SASH1: variants seen among roughly 807,000 people sequenced by gnomAD.
SASH1 encodes SAM and SH3 domain containing 1, also known as SAM and SH3 domain-containing protein 1.
Under a neutral mutation model 125.2 loss-of-function variants are expected in SASH1, and 44 were observed. The observed-to-expected ratio is 0.35, with a 90% CI of 0.28 to 0.45. SASH1 has a LOEUF of 0.45. SASH1 is among the 20% of genes least tolerant of loss of function. SASH1 has a pLI of 1.00. For synonymous variants in SASH1, 639 were observed against 649.1 expected (o/e 0.98, Z 0.24); for missense variants, 1,426 against 1,614.5 (o/e 0.88, Z 2.00).
In SASH1 at chr6:148,529,402, T is replaced by G. The variant is rs1372219881; in HGVS notation, c.1428+1806T>G. Among the ~76,000 whole-genome samples the G allele has an allele frequency of 1.3e-5, 2 of 152,220 alleles. No homozygotes were observed. Among genetic ancestry groups the G allele is most frequent in the Non-Finnish European group, 2.9e-5 (2 of 68,040 alleles). On this transcript the variant is annotated intron_variant, in intron 12 of 19. Coordinates refer to ENST00000367467, the MANE Select transcript of SASH1 (RefSeq NM_015278.5). This position sits in a 1 kb window ranked among gnomAD's most constrained non-coding sequence, Gnocchi z 4.2. ...CTTCAGCATGTCTTATCCATGATTT[T>G]TTTTCTTTATTCTTTTCATTCTCTT...
chr6:148,536,830 G>C (rs1781875664), intron 16 of SASH1, among the ~76,000 whole-genome samples: 1 of 152,176 alleles, frequency 6.6e-6, no homozygotes. Context: ...TTGTAGGAGG[G>C]TATCGCTATC....
chr6:148,296,925 G>C (rs1375826581), intron 1 of SASH1, among the ~76,000 whole-genome samples: 3 of 152,248 alleles, frequency 2.0e-5, no homozygotes, highest in African/African-American at 7.2e-5. Flanking sequence ...TTTCATGCTT[G>C]TGAAAGCAAA....
intron 1 of SASH1, among the ~76,000 whole-genome samples, chr6:148,361,100 A>G (rs1430499450): frequency 6.6e-6 from 1 of 152,164 alleles, no homozygotes; most frequent in African/African-American, 2.4e-5. Context: ...CAGGCTAAGG[A>G]ATGCCGAAGA....
chr6:148,511,324 T>TACACACACACACACACAC (rs58822082), intron 8 of SASH1, among the ~76,000 whole-genome samples: 80 of 135,382 alleles, frequency 5.9e-4, no homozygotes, highest in Non-Finnish European at 1.1e-3. Flanking sequence ...AATTTTCTAT[T>TACACACACACACACACAC]ACACACACAC....
At chr6:148,278,682 C>T (rs1482344020) in intron 1 of SASH1, 1 of 152,064 alleles carries the variant, frequency 6.6e-6, no homozygotes, top group Non-Finnish European at 1.5e-5. Flanking sequence ...GGGCTCACTT[C>T]AGCAGCACAT....
At position 148,421,138 on chromosome 6, in the gene SASH1, G is replaced by A. The variant is rs75705173; in HGVS notation, c.286-19046G>A. 4.9e-3 allele frequency among the ~76,000 whole-genome samples: 266 copies of A among 54,082 alleles called. 13 individuals carry two copies. In the East Asian group the frequency reaches 0.081, roughly 17 times the overall value. 35.5% of individuals were successfully genotyped at this position (54,082 alleles called of 152,430 possible). ...AAAAGAAAGGAAGAAAGGAAGGAAG[G>A]AAGGAAGGAAGAAAGAAAGAAAGAA... On this transcript the variant is annotated intron_variant, in intron 2 of 19. Coordinates refer to ENST00000367467, the MANE Select transcript of SASH1 (RefSeq NM_015278.5).
chr6:148,517,405 A>G (rs757403287), intron 9 of SASH1, among the ~76,000 whole-genome samples: 4 of 152,140 alleles, frequency 2.6e-5, no homozygotes, highest in Non-Finnish European at 5.9e-5. Flanking sequence ...AAGATAGATG[A>G]TGGAGGCCTT....
intron 2 of SASH1, among the ~76,000 whole-genome samples, chr6:148,399,665 C>T (rs1784097124): frequency 6.6e-6 from 1 of 152,198 alleles, no homozygotes; most frequent in Admixed American, 6.5e-5. Flanking sequence ...TTGTTGTTTC[C>T]ATTTGCATAC....
chr6:148,304,555 A>C (rs1367745109), intron 1 of SASH1, among the ~76,000 whole-genome samples: 1 of 152,120 alleles, frequency 6.6e-6, no homozygotes, highest in African/African-American at 2.4e-5. Flanking sequence ...GGTTGCAGTG[A>C]GCCGAGACCA....
At chr6:148,196,709 G>C in the SASH1 span, among the ~76,000 whole-genome samples, 5 of 152,198 alleles carry the variant, frequency 3.3e-5, no homozygotes, top group African/African-American at 1.2e-4. Context: ...ATAATTGTGA[G>C]ATAAGACAAA....
Position 148,278,787 on chromosome 6 carries a change from G to C in SASH1, n.74+6410G>C, listed in dbSNP as rs560613046. 134 of 151,942 alleles carry C rather than the reference G, an allele frequency of 8.8e-4. 1 individual carries two copies. The highest frequency in any genetic ancestry group is 3.1e-3 in the African/African-American group (130 of 41,372). 9.4% of individuals were successfully genotyped at this position (151,942 alleles called of 1,614,324 possible). A position where few individuals can be genotyped will look rare whatever the true frequency, so the allele number is the denominator to read the frequency against. The stretch of plus-strand genomic sequence containing the variant: ...AAATGTTTCATGTATTTCTTAAATA[G>C]TTAAAAAAAATCTGCAAGTGCAATA... On this transcript the variant is annotated intron_variant and non_coding_transcript_variant, in intron 1 of 3. Transcript: ENST00000367469.
chr6:148,226,186 C>G, the SASH1 span, among the ~76,000 whole-genome samples: 9 of 152,206 alleles, frequency 5.9e-5, no homozygotes, highest in African/African-American at 1.7e-4. Context: ...TATTAAAGAA[C>G]TTAAAGAAAA....
intron 2 of SASH1, among the ~76,000 whole-genome samples, chr6:148,424,330 A>G (rs1455158977): frequency 6.8e-6 from 1 of 146,630 alleles, no homozygotes; most frequent in Non-Finnish European, 1.5e-5. Context: ...GGTTCAAGTG[A>G]TTCTCCTGCC....
chr6:148,356,030 C>G (rs914587833), intron 1 of SASH1, among the ~76,000 whole-genome samples: 1 of 150,670 alleles, frequency 6.6e-6, no homozygotes, highest in Non-Finnish European at 1.5e-5. Flanking sequence ...TCCTCTTCCA[C>G]GCTTCCCCCC....
chr6:148,267,559 TAGTAG>T (rs1778976970), upstream of SASH1, among the ~76,000 whole-genome samples: 1 of 152,078 alleles, frequency 6.6e-6, no homozygotes, highest in Admixed American at 6.5e-5. Flanking sequence ...TTTGTATTTT[TAGTAG>T]AGACGGGGTT....
At chr6:148,331,654 A>G (rs952694263) in intron 1 of SASH1, among the ~76,000 whole-genome samples, 5 of 151,772 alleles carry the variant, frequency 3.3e-5, no homozygotes, top group African/African-American at 1.2e-4. Context: ...CACAGCATCA[A>G]CACAGATGAA....
upstream of SASH1, among the ~76,000 whole-genome samples, chr6:148,342,326 C>A (rs1436248802): frequency 6.6e-6 from 1 of 152,122 alleles, no homozygotes; most frequent in East Asian, 1.9e-4. Flanking sequence ...TGCATTGTAG[C>A]GACACGGACT....
chr6:148,539,749 G>A (rs1782104699), intron 16 of SASH1, among the ~76,000 whole-genome samples: 1 of 152,092 alleles, frequency 6.6e-6, no homozygotes, highest in East Asian at 1.9e-4. Flanking sequence ...AAGACAAAAG[G>A]AGAAGCAGAA....
chr6:148,472,976 C>G (rs1448830269), intron 6 of SASH1, among the ~76,000 whole-genome samples: 1 of 152,140 alleles, frequency 6.6e-6, no homozygotes, highest in Non-Finnish European at 1.5e-5. Flanking sequence ...TGTCCTTCCC[C>G]ACACGCTGAC....
Sources: gnomAD v4.1 joint callset for allele counts (sites outside exome capture counted in the v4.1 genomes callset) on GRCh38, gnomAD v4.1.1 for gene constraint, Gnocchi (gnomAD v3.1) non-coding constraint, MANE v1.5 for transcripts, NCBI Gene and HGNC (gene_info 2026-07-23, HGNC 2026-07-21) for gene names.